CDH15: variants seen among roughly 807,000 people sequenced by gnomAD.
CDH15 encodes the protein cadherin-15.
A neutral mutation model predicts 69.4 loss-of-function variants in CDH15; 73 were observed. That is an observed-to-expected ratio of 1.05 (90% CI 0.87 to 1.28). The LOEUF (loss-of-function observed/expected upper bound fraction) is 1.28, where lower values mean the gene tolerates loss of function less well. CDH15 is among the 50% of genes most tolerant of loss of function. The pLI is 0.00. For missense variants in CDH15, 1,343 were observed against 1,133.6 expected (o/e 1.18, Z -2.65); for synonymous variants, 624 against 507.7 (o/e 1.23, Z -3.08).
At chr16:89,179,104 G>A (rs1049466922) in intron 1 of CDH15, among the ~76,000 whole-genome samples, 6 of 152,242 alleles carry the variant, frequency 3.9e-5, no homozygotes, top group Non-Finnish European at 5.9e-5. Flanking sequence ...GCCAGGGGCT[G>A]CAGACAGCCT....
At chr16:89,184,926 A>G (rs1915449516) in intron 4 of CDH15, among the ~76,000 whole-genome samples, 2 of 152,202 alleles carry the variant, frequency 1.3e-5, no homozygotes, top group Non-Finnish European at 2.9e-5. Flanking sequence ...AAAGGCTTCG[A>G]CCACATAGGT....
chr16:89,179,588 G>T lies in CDH15; in HGVS notation c.201+14G>T. 1.3e-6 allele frequency: 2 copies of T among 1,560,894 alleles called. No homozygotes were observed. Among genetic ancestry groups the T allele is most frequent in the Non-Finnish European group, 1.7e-6 (2 of 1,151,994 alleles). The stretch of plus-strand genomic sequence containing the variant: ...CCCCTGGTTCAGGTGAGCAGGTGGA[G>T]GGGGCAGGAGGGGAGAAAGGGGTAG... On this transcript the variant is annotated intron_variant, in intron 2 of 13. Transcript: ENST00000289746.
chr16:89,191,856 C>G lies in CDH15; in HGVS notation c.1577C>G (p.Pro526Arg), dbSNP rs757084976. Residue 526 changes from proline to arginine, a missense_variant, in exon 10 of 14, where the codon CCA becomes CGA. By Grantham distance (103) the Pro-to-Arg change is moderately radical. Coordinates refer to ENST00000289746, the MANE Select transcript of CDH15 (RefSeq NM_004933.3). ...CACTTCCAGCTGAGCCCCAGGCTCC[C>G]AGAGCTCGGCCGGAACTGGAGCCTC... Reference protein sequence around the residue: ...PFHFQLSPRLPELGRNWSLSQ... With the variant: ...PFHFQLSPRLRELGRNWSLSQ... The G allele has an allele frequency of 3.8e-6, 6 of 1,597,926 alleles. No individual in the cohort carries two copies. The East Asian group carries it at 1.3e-4, about 36-fold the overall frequency.
chr16:89,192,135 G>A lies in CDH15; in HGVS notation c.1616-70G>A, dbSNP rs753225747. The stretch of plus-strand genomic sequence containing the variant: ...GATCTCGGGATCCCCACCCTGTCTC[G>A]GCGCGAGGAGGGCAGGCGAAGTGGG... On this transcript the variant is annotated intron_variant, in intron 10 of 13. Coordinates refer to ENST00000289746, the MANE Select transcript of CDH15 (RefSeq NM_004933.3). 2,554 of 1,466,940 alleles carry A rather than the reference G, an allele frequency of 1.7e-3. 3 individuals carry two copies. The highest frequency in any genetic ancestry group is 6.4e-3 in the Middle Eastern group (26 of 4,090). The allele number at this position is 1,466,940 out of a possible 1,614,324, so 90.9% of individuals were successfully genotyped here. A position where few individuals can be genotyped will look rare whatever the true frequency, so the allele number is the denominator to read the frequency against.
At chr16:89,178,352 A>G (rs1915301656) in intron 1 of CDH15, among the ~76,000 whole-genome samples, 1 of 152,162 alleles carries the variant, frequency 6.6e-6, no homozygotes, top group Non-Finnish European at 1.5e-5. Context: ...TCCCGTGTGC[A>G]TTACAAACAG....
In CDH15 at chr16:89,193,330, C is replaced by T. The variant is rs1439532028; in HGVS notation, c.1856-140C>T. Reference sequence around the variant, plus strand: ...CTCCTCCATGCCAGACACGCCCTTTCCCCAACTGCCGCCCCCTCAACCCCA... The same window carrying T: ...CTCCTCCATGCCAGACACGCCCTTTTCCCAACTGCCGCCCCCTCAACCCCA... On this transcript the variant is annotated intron_variant, in intron 11 of 13. Transcript: ENST00000289746. 8.9e-6 allele frequency: 6 copies of T among 671,738 alleles called. No homozygotes were observed. In the African/African-American group the frequency reaches 1.1e-4, roughly 13 times the overall value. The allele number at this position is 671,738 out of a possible 1,614,324, so 41.6% of individuals were successfully genotyped here.
chr16:89,190,655 C>CGT (rs1421258334), intron 8 of CDH15, among the ~76,000 whole-genome samples, 159 bp downstream of exon 8: 2 of 152,128 alleles, frequency 1.3e-5, no homozygotes, highest in African/African-American at 4.8e-5. Context: ...CGAGCATGCC[C>CGT]GTGTGTGCAT....
At chr16:89,184,874 A>G (rs750827643) in intron 4 of CDH15, among the ~76,000 whole-genome samples, 2 of 152,204 alleles carry the variant, frequency 1.3e-5, no homozygotes, top group Non-Finnish European at 2.9e-5. Context: ...GTCGCATCCA[A>G]TGCTCCTGTG....
intron 7 of CDH15, 22 bp from the exon 8 acceptor site, chr16:89,190,221 G>C: frequency 1.9e-6 from 3 of 1,609,482 alleles, no homozygotes; most frequent in Non-Finnish European, 2.5e-6. Context: ...GGCGGATGAC[G>C]GGCTGTGCTT....
intron 10 of CDH15, 21 bp from the exon 11 acceptor site, chr16:89,192,184 C>T (rs1597312489): frequency 1.8e-5 from 28 of 1,521,740 alleles, no homozygotes; most frequent in East Asian, 5.0e-5. Flanking sequence ...GGCCCTCGCT[C>T]ACCACAGGCG....
intron 3 of CDH15, among the ~76,000 whole-genome samples, chr16:89,181,436 G>C (rs928177293): frequency 9.2e-5 from 14 of 152,136 alleles, no homozygotes; most frequent in Admixed American, 9.2e-4. Flanking sequence ...TCAAAGTGAG[G>C]CCTTGTCTCA....
At chr16:89,186,346 C>T (rs544213090) in intron 5 of CDH15, among the ~76,000 whole-genome samples, 32 of 137,446 alleles carry the variant, frequency 2.3e-4, no homozygotes, top group African/African-American at 7.8e-4. Flanking sequence ...TAAAGGCTCA[C>T]CCAGCGCACA....
rs1027214309 is a variant in CDH15, at chr16:89,195,233, G to C, written c.*78G>C. 2.8e-6 allele frequency: 4 copies of C among 1,413,016 alleles called. No individual in the cohort carries two copies. Among genetic ancestry groups the C allele is most frequent in the South Asian group, 1.4e-5 (1 of 69,476 alleles). 87.5% of individuals were successfully genotyped at this position (1,413,016 alleles called of 1,614,324 possible). A position where few individuals can be genotyped will look rare whatever the true frequency, so the allele number is the denominator to read the frequency against. On this transcript the variant is annotated 3_prime_UTR_variant, in exon 14 of 14. Coordinates refer to ENST00000289746, the MANE Select transcript of CDH15 (RefSeq NM_004933.3). ...CCTGCAGAGGCAGCCTGAGGTCACCGGGCCCGACCCCCCTGGGCCTGGGGC... is the reference window on the plus strand; with the variant it reads ...CCTGCAGAGGCAGCCTGAGGTCACCCGGCCCGACCCCCCTGGGCCTGGGGC...
Position 89,191,666 on chromosome 16 carries a change from C to T in CDH15, c.1387C>T (p.Arg463Cys), listed in dbSNP as rs779657883. 5 of 1,591,076 alleles carry T rather than the reference C, an allele frequency of 3.1e-6. No individual in the cohort carries two copies. Among genetic ancestry groups the T allele is most frequent in the Non-Finnish European group, 4.3e-6 (5 of 1,173,720 alleles). Residue 463 changes from arginine (R) to cysteine (C), a missense_variant, in exon 10 of 14, where the codon CGC (arginine) becomes TGC (cysteine). Physicochemically the swap from Arg to Cys is radical, Grantham distance 180. Coordinates refer to ENST00000289746, the MANE Select transcript of CDH15 (RefSeq NM_004933.3). ...CTCCTCGCCTGCAGCCTCCCAGCCCCGCACCGCCACCGGCACCCTGTCCAT... is the reference window on the plus strand; with the variant it reads ...CTCCTCGCCTGCAGCCTCCCAGCCCTGCACCGCCACCGGCACCCTGTCCAT... ...VLAQDDASQP[R>C]TATGTLSIEI... is the part of the protein sequence containing the mutation.
At chr16:89,183,715 G>T (rs1452476420) in intron 4 of CDH15, 23 bp downstream of exon 4, 8 of 1,572,452 alleles carry the variant, frequency 5.1e-6, no homozygotes, top group Non-Finnish European at 6.9e-6. Flanking sequence ...CACAGCCCCG[G>T]GCCGGGAGGG....
Position 89,192,209 on chromosome 16 carries a change from C to T in CDH15, c.1620C>T (p.Ser540=), listed in dbSNP as rs1162077785. ...CACCACAGGCGCCCTCCGCAGTGAG[C>T]CACGCGCGCCTGCGGCCGCGACACC... ...RNWSLSQVNV[S]HARLRPRHQV... is the part of the protein sequence containing the mutation. Residue 540 remains serine, a synonymous_variant, in exon 11 of 14, where the codon AGC becomes AGT. Coordinates refer to ENST00000289746, the MANE Select transcript of CDH15 (RefSeq NM_004933.3). The T allele has an allele frequency of 1.3e-6, 2 of 1,528,812 alleles. No individual in the cohort carries two copies. Among genetic ancestry groups the T allele is most frequent in the East Asian group, 2.5e-5 (1 of 40,514 alleles). The allele number at this position is 1,528,812 out of a possible 1,614,324, so 94.7% of individuals were successfully genotyped here. A position where few individuals can be genotyped will look rare whatever the true frequency, so the allele number is the denominator to read the frequency against.
chr16:89,194,718 C>T (rs1368156812), intron 13 of CDH15, 144 bp from the exon 14 acceptor site: 2 of 781,230 alleles, frequency 2.6e-6, no homozygotes, highest in African/African-American at 1.7e-5. Flanking sequence ...CGCTTTGCCT[C>T]CCCTCAGACC....
Position 89,190,467 on chromosome 16 carries a change from C to G in CDH15, c.1203C>G (p.Asp401Glu). 8 of 1,600,274 alleles carry G rather than the reference C, an allele frequency of 5.0e-6. No individual in the cohort carries two copies. Among genetic ancestry groups the G allele is most frequent in the Non-Finnish European group, 6.8e-6 (8 of 1,174,638 alleles). ...TGGTGGCCACCTTCTCTGCCCGGGA[C>G]CCTGACACAGAGCAGCTGCAGAGGC... ...GTLVATFSAR[D>E]PDTEQLQRLS... The change falls in exon 8 of 14, where the codon GAC becomes GAG. Residue 401 changes from aspartate (D) to glutamate (E), a missense_variant. Asp to Glu is a conservative substitution (Grantham distance 45). Transcript: ENST00000289746.
chr16:89,182,171 CCCCTCCCCCAGCCTG>C (rs1915393775), intron 3 of CDH15, among the ~76,000 whole-genome samples: 1 of 11,594 alleles, frequency 8.6e-5, no homozygotes, highest in South Asian at 7.9e-3. Context: ...CCCCCAGCCT[CCCCTCCCCCAGCCTG>C]CCCTCCCCCA....
Sources: allele counts gnomAD v4.1 joint callset (sites outside exome capture counted in the v4.1 genomes callset), GRCh38; gene constraint gnomAD v4.1.1; transcripts MANE v1.5; gene names NCBI Gene and HGNC (gene_info 2026-07-23, HGNC 2026-07-21).